Variants in PPP6C observed in about 807,000 individuals in gnomAD.
PPP6C encodes protein phosphatase 6 catalytic subunit.
Under a neutral mutation model 39.8 loss-of-function variants are expected in PPP6C, and 11 were observed. The ratio of observed to expected loss-of-function variants is 0.28; its 90% CI spans 0.17 to 0.46. The LOEUF (loss-of-function observed/expected upper bound fraction) is 0.46, where lower values mean the gene tolerates loss of function less well. PPP6C is among the 20% of genes least tolerant of loss of function. PPP6C has a pLI of 1.00. For missense variants in PPP6C, 211 were observed against 373.9 expected (o/e 0.56, Z 3.59); for synonymous variants, 129 against 130.3 (o/e 0.99, Z 0.07).
chr9:125,157,172 G>A (rs1316325438), intron 4 of PPP6C, among the ~76,000 whole-genome samples: 1 of 129,654 alleles, frequency 7.7e-6, no homozygotes, highest in Admixed American at 1.0e-4. Context: ...TTTTAGTAGA[G>A]ACAGGGTTTA....
At chr9:125,171,711 A>C (rs542302487) in intron 1 of PPP6C, among the ~76,000 whole-genome samples, 10 of 151,226 alleles carry the variant, frequency 6.6e-5, no homozygotes, top group Admixed American at 5.3e-4. Flanking sequence ...GTGCCACCAC[A>C]CCCGGCTAAT....
chr9:125,180,107 G>A (rs117744119), intron 1 of PPP6C, among the ~76,000 whole-genome samples: 4,445 of 152,140 alleles, frequency 0.029, 99 homozygotes, highest in Non-Finnish European at 0.047. Context: ...ACCCCAAAAA[G>A]AAACCATATA....
At chr9:125,167,389 A>AAAAAAAAAAAAAAAAAAAAAAAAG (rs1554722081) in intron 2 of PPP6C, among the ~76,000 whole-genome samples, 7 of 138,150 alleles carry the variant, frequency 5.1e-5, no homozygotes, top group African/African-American at 1.9e-4. Flanking sequence ...CAAAAAAAAA[A>AAAAAAAAAAAAAAAAAAAAAAAAG]AAAAAAAAAA....
At chr9:125,175,642 C>CA (rs1188824495) in intron 1 of PPP6C, among the ~76,000 whole-genome samples, 3,932 of 54,740 alleles carry the variant, frequency 0.072, 245 homozygotes, top group East Asian at 0.36. Context: ...GACTCCGTCT[C>CA]AAAAAAAAAA....
At chr9:125,172,601 T>C (rs1255027986) in intron 1 of PPP6C, among the ~76,000 whole-genome samples, 1 of 152,084 alleles carries the variant, frequency 6.6e-6, no homozygotes. Flanking sequence ...GAAGTGGGTG[T>C]GGCTATAAAA....
intron 2 of PPP6C, among the ~76,000 whole-genome samples, chr9:125,163,267 A>G (rs1828928855): frequency 6.6e-6 from 1 of 152,194 alleles, no homozygotes; most frequent in Non-Finnish European, 1.5e-5. Context: ...ATACAAAACT[A>G]TACCTATAAC....
intron 1 of PPP6C, chr9:125,172,051 T>C: frequency 4.5e-6 from 2 of 445,962 alleles, no homozygotes; most frequent in Non-Finnish European, 9.1e-6. Flanking sequence ...AAACACATTT[T>C]GGTACATCCA....
At chr9:125,183,867 C>A (rs1163049019) in intron 1 of PPP6C, among the ~76,000 whole-genome samples, 1 of 152,154 alleles carries the variant, frequency 6.6e-6, no homozygotes, top group Non-Finnish European at 1.5e-5. Flanking sequence ...TCCTTACCTC[C>A]CTTACTATAT....
chr9:125,163,848 CT>C (rs1412720063), intron 2 of PPP6C, among the ~76,000 whole-genome samples: 358 of 135,790 alleles, frequency 2.6e-3, no homozygotes, highest in Admixed American at 2.6e-3. Flanking sequence ...TTGGGCAATT[CT>C]TTTTTTTTTT....
chr9:125,169,124 T>C (rs1245650424), intron 2 of PPP6C, among the ~76,000 whole-genome samples: 1 of 152,184 alleles, frequency 6.6e-6, no homozygotes, highest in Non-Finnish European at 1.5e-5. Context: ...GGTCTTAAAA[T>C]AACATGTACA....
chr9:125,189,761 T>C lies in PPP6C; in HGVS notation c.-43A>G, dbSNP rs1829628783. Reference sequence around the variant, plus strand: ...GCGGCAACAGCGGCGGCGGCGGCTGTAGCAGCGGCGGCGGCAGCGGCGGAG... The same window carrying C: ...GCGGCAACAGCGGCGGCGGCGGCTGCAGCAGCGGCGGCGGCAGCGGCGGAG... On this transcript the variant is annotated 5_prime_UTR_variant, in exon 1 of 7. Coordinates refer to ENST00000373547, the MANE Select transcript of PPP6C (RefSeq NM_002721.5). 1.9e-6 allele frequency: 3 copies of C among 1,545,436 alleles called. No individual in the cohort carries two copies. Among genetic ancestry groups the C allele is most frequent in the Non-Finnish European group, 1.7e-6 (2 of 1,147,150 alleles).
chr9:125,159,036 G>GTTTT (rs1176354960), intron 3 of PPP6C, among the ~76,000 whole-genome samples: 2 of 117,976 alleles, frequency 1.7e-5, no homozygotes, highest in Admixed American at 1.9e-4. Flanking sequence ...TATTTTTTAA[G>GTTTT]TTTTTTTTTT....
At chr9:125,160,939 A>T in intron 2 of PPP6C, 33 bp from the exon 3 acceptor site, 2 of 1,473,902 alleles carry the variant, frequency 1.4e-6, no homozygotes. Context: ...GCTGATTACA[A>T]ATTCCTGTTA....
At position 125,189,739 on chromosome 9, in the gene PPP6C, G is replaced by A. The variant is rs752952636; in HGVS notation, c.-21C>T. ...GCCATTTTAAGAATAACAAGCCGCG[G>A]CAACAGCGGCGGCGGCGGCTGTAGC... is the stretch of plus-strand genomic sequence containing the variant. On this transcript the variant is annotated 5_prime_UTR_variant, in exon 1 of 7. Coordinates refer to ENST00000373547, the MANE Select transcript of PPP6C (RefSeq NM_002721.5). The A allele has an allele frequency of 1.9e-6, 3 of 1,563,980 alleles. No individual in the cohort carries two copies. Among genetic ancestry groups the A allele is most frequent in the Admixed American group, 4.0e-5 (2 of 49,640 alleles).
chr9:125,189,002 C>T, intron 1 of PPP6C: 8 of 1,313,254 alleles, frequency 6.1e-6, no homozygotes, highest in Non-Finnish European at 8.6e-6. Flanking sequence ...GAACCAACTA[C>T]TTTATCCACT....
intron 2 of PPP6C, among the ~76,000 whole-genome samples, chr9:125,162,342 C>T (rs1437799275): frequency 6.6e-6 from 1 of 151,098 alleles, no homozygotes; most frequent in Non-Finnish European, 1.5e-5. Flanking sequence ...CCTGTAATCC[C>T]AGCTACCTGG....
intron 1 of PPP6C, among the ~76,000 whole-genome samples, chr9:125,173,576 TCAAAA>T (rs1829225849): frequency 6.6e-6 from 1 of 151,338 alleles, no homozygotes; most frequent in South Asian, 2.1e-4. Context: ...AGACTCTTTC[TCAAAA>T]CAAACAAACA....
At chr9:125,171,962 T>C (rs372842839) in intron 1 of PPP6C, 2 of 467,566 alleles carry the variant, frequency 4.3e-6, no homozygotes, top group South Asian at 1.5e-5. Context: ...AAAATCTGTA[T>C]ATAAATACTC....
chr9:125,160,943 C>G, intron 2 of PPP6C, 37 bp from the exon 3 acceptor site: 1 of 1,453,918 alleles, frequency 6.9e-7, no homozygotes, highest in Non-Finnish European at 9.3e-7. Flanking sequence ...ATTACAAATT[C>G]CTGTTAAGAA....
Sources: gnomAD v4.1 joint callset for allele counts (sites outside exome capture counted in the v4.1 genomes callset) on GRCh38, gnomAD v4.1.1 for gene constraint, MANE v1.5 for transcripts, NCBI Gene and HGNC (gene_info 2026-07-23, HGNC 2026-07-21) for gene names.